The following WDR86 variants were observed in gnomAD, a reference collection of about 807,000 sequenced individuals.
The protein encoded by WDR86 is WD repeat domain 86.
A neutral mutation model predicts 36.5 loss-of-function variants in WDR86; 30 were observed. The ratio of observed to expected loss-of-function variants is 0.82; its 90% CI spans 0.61 to 1.11. The LOEUF is 1.11. Among genes scored for constraint, WDR86 ranks in the 50% most tolerant of loss-of-function variants. WDR86 has a pLI of 0.00. For missense variants in WDR86, 545 were observed against 561.2 expected (o/e 0.97, Z 0.29); for synonymous variants, 255 against 252.9 (o/e 1.01, Z -0.08).
rs1798578303 is a variant in WDR86, at chr7:151,381,664, C to T, written c.1049G>A (p.Arg350Gln). 2 of 1,409,300 alleles carry T rather than the reference C, an allele frequency of 1.4e-6. No homozygotes were observed. Among genetic ancestry groups the T allele is most frequent in the Non-Finnish European group, 1.8e-6 (2 of 1,092,868 alleles). The allele number at this position is 1,409,300 out of a possible 1,614,324, so 87.3% of individuals were successfully genotyped here. A position where few individuals can be genotyped will look rare whatever the true frequency, so the allele number is the denominator to read the frequency against. Residue 350 changes from arginine to glutamine, a missense_variant, in exon 6 of 6, where the codon CGG (arginine) becomes CAG (glutamine). Arg to Gln is a conservative substitution (Grantham distance 43, BLOSUM62 1). Transcript: ENST00000334493. This position sits in a 1 kb window ranked among gnomAD's most constrained non-coding sequence, Gnocchi z 4.8. ...GAGGCTGCGCATGGGCGGAGGGGGC[C>T]GCGGGGCACCTCGGAGCCCGCGCAC... ...WDVRGLRGAPRPPPPMRSLSR... is the reference protein window; with the variant it reads ...WDVRGLRGAPQPPPPMRSLSR...
chr7:151,384,976 G>T, intron 4 of WDR86, 112 bp downstream of exon 4: 3 of 1,191,138 alleles, frequency 2.5e-6, no homozygotes, highest in Non-Finnish European at 3.5e-6. Context: ...GCCATTGGAC[G>T]CTGATGATTG....
Position 151,409,618 on chromosome 7 carries a change from A to G in WDR86, c.-29T>C. Reference sequence around the variant, plus strand: ...GCTGGCAGGGCGGGGAACAAGAAGGAGCTGCGCCCCGCTAGGGAGGGGCGC... The same window carrying G: ...GCTGGCAGGGCGGGGAACAAGAAGGGGCTGCGCCCCGCTAGGGAGGGGCGC... On this transcript the variant is annotated 5_prime_UTR_variant, in exon 1 of 6. Coordinates refer to ENST00000334493, the MANE Select transcript of WDR86 (RefSeq NM_198285.3). The surrounding 1 kb of genome is among the most constrained non-coding windows in gnomAD (Gnocchi z 5.2). The G allele has an allele frequency of 7.4e-7, 1 of 1,350,254 alleles. No individual in the cohort carries two copies. 83.6% of individuals were successfully genotyped at this position (1,350,254 alleles called of 1,614,324 possible). A position where few individuals can be genotyped will look rare whatever the true frequency, so the allele number is the denominator to read the frequency against.
Position 151,381,483 on chromosome 7 carries a change from C to T in WDR86, c.*99G>A, listed in dbSNP as rs781463926. On this transcript the variant is annotated 3_prime_UTR_variant, in exon 6 of 6. Transcript: ENST00000334493. This position sits in a 1 kb window ranked among gnomAD's most constrained non-coding sequence, Gnocchi z 4.8. Reference sequence around the variant, plus strand: ...CCGCCCGGGCTTCCTCGCTCCTCGCCCCTCGCCGGCCATCGGGCGCCACCA... The same window carrying T: ...CCGCCCGGGCTTCCTCGCTCCTCGCTCCTCGCCGGCCATCGGGCGCCACCA... 188 of 1,467,730 alleles carry T rather than the reference C, an allele frequency of 1.3e-4. 4 individuals carry two copies. In the South Asian group the frequency reaches 2.4e-3, roughly 19 times the overall value. 90.9% of individuals were successfully genotyped at this position (1,467,730 alleles called of 1,614,324 possible).
Position 151,388,213 on chromosome 7 carries a change from T to C in WDR86, c.727-2990A>G, listed in dbSNP as rs1263615261. 6.6e-6 allele frequency among the ~76,000 whole-genome samples: 1 copy of C among 152,274 alleles called. No individual in the cohort carries two copies. On this transcript the variant is annotated intron_variant, in intron 3 of 5. Transcript: ENST00000334493. The surrounding 1 kb of genome is among the most constrained non-coding windows in gnomAD (Gnocchi z 4.2). ...TTCTTTTCTCTGGCTGGATTTGAAA[T>C]GCTTCGTTTCTTTAAAATCACAATG...
At chr7:151,399,163 C>G (rs1800103838) in intron 2 of WDR86, among the ~76,000 whole-genome samples, 2 of 152,216 alleles carry the variant, frequency 1.3e-5, no homozygotes, top group African/African-American at 4.8e-5. Context: ...ATCCCTTCAG[C>G]CTCCTCCTCA....
At chr7:151,389,235 C>T (rs901572245) in intron 3 of WDR86, among the ~76,000 whole-genome samples, 3 of 151,408 alleles carry the variant, frequency 2.0e-5, no homozygotes, top group Admixed American at 6.6e-5. Flanking sequence ...GGATAACAGG[C>T]GTGAGCCACC....
intron 3 of WDR86, among the ~76,000 whole-genome samples, chr7:151,389,985 G>A (rs778116638): frequency 5.9e-5 from 9 of 152,156 alleles, no homozygotes; most frequent in Admixed American, 4.6e-4. Flanking sequence ...TGGGGGTGCC[G>A]GTGAGCCAGG....
rs1468021134 is a variant in WDR86 at position 151,381,852 on chromosome 7, G to A, written c.966+26C>T. On this transcript the variant is annotated intron_variant, in intron 5 of 5. Transcript: ENST00000334493. This position sits in a 1 kb window ranked among gnomAD's most constrained non-coding sequence, Gnocchi z 4.8. ...GGCACCTTCCCTCCCACGGGCGGCG[G>A]CCCCGAGAAGGGCAGAGGGACCTAC... The A allele has an allele frequency of 6.3e-7, 1 of 1,587,522 alleles. No homozygotes were observed. Among genetic ancestry groups the A allele is most frequent in the Non-Finnish European group, 8.6e-7 (1 of 1,167,658 alleles).
At chr7:151,377,209 C>T (rs1389717336), downstream of WDR86, 19 of 1,546,180 alleles carry the variant, frequency 1.2e-5, no homozygotes, top group East Asian at 2.3e-5. Context: ...AGGAAGTCAG[C>T]AACAAAGAAA....
chr7:151,379,802 CGT>C (rs1798468436), downstream of WDR86, among the ~76,000 whole-genome samples: 1 of 152,144 alleles, frequency 6.6e-6, no homozygotes, highest in South Asian at 2.1e-4. Context: ...CTGGAGCTGA[CGT>C]GTCAGTGAGG....
downstream of WDR86, among the ~76,000 whole-genome samples, chr7:151,372,765 C>T (rs1445746961): frequency 2.0e-5 from 3 of 152,050 alleles, no homozygotes; most frequent in East Asian, 1.9e-4. Flanking sequence ...ACTGGAATGA[C>T]GGAGCCTGCT....
chr7:151,410,015 C>T lies in WDR86; in HGVS notation c.-426G>A, dbSNP rs1554428439. The stretch of plus-strand genomic sequence containing the variant: ...GAAGCCGAGCGCCCCGCGCCCTCCC[C>T]GGCCGAGCGCGGAACAATACGGTCC... On this transcript the variant is annotated 5_prime_UTR_variant, in exon 1 of 6. Transcript: ENST00000334493. 2.0e-6 allele frequency: 2 copies of T among 994,064 alleles called. No homozygotes were observed. The highest frequency in any genetic ancestry group is 2.4e-6 in the Non-Finnish European group (2 of 836,184). The allele number at this position is 994,064 out of a possible 1,614,324, so 61.6% of individuals were successfully genotyped here. A position where few individuals can be genotyped will look rare whatever the true frequency, so the allele number is the denominator to read the frequency against.
At position 151,406,728 on chromosome 7, in the gene WDR86, G is replaced by A. The variant is rs1341300514; in HGVS notation, c.163+2699C>T. ...TGGCGACAGCACCCACCCCATTATC[G>A]ATGGTATCTAGAAAACAACAAGAAT... On this transcript the variant is annotated intron_variant, in intron 1 of 5. Transcript: ENST00000334493. The surrounding 1 kb of genome is among the most constrained non-coding windows in gnomAD (Gnocchi z 4.4). 2.0e-5 allele frequency among the ~76,000 whole-genome samples: 3 copies of A among 152,114 alleles called. No homozygotes were observed. Among genetic ancestry groups the A allele is most frequent in the Admixed American group, 1.3e-4 (2 of 15,278 alleles).
At chr7:151,382,729 G>A (rs1013920057) in intron 4 of WDR86, among the ~76,000 whole-genome samples, 3 of 152,194 alleles carry the variant, frequency 2.0e-5, no homozygotes, top group Non-Finnish European at 2.9e-5. Context: ...CTCCGAAGCC[G>A]ACCCTGATGC....
At chr7:151,385,379 A>G (rs2150757513) in intron 3 of WDR86, 156 bp from the exon 4 acceptor site, 1 of 1,329,360 alleles carries the variant, frequency 7.5e-7, no homozygotes, top group Non-Finnish European at 1.0e-6. Context: ...CAGACTGCCC[A>G]CTTCAGCACC....
chr7:151,389,190 A>T (rs1161204082), intron 3 of WDR86, among the ~76,000 whole-genome samples: 1 of 149,386 alleles, frequency 6.7e-6, no homozygotes, highest in Non-Finnish European at 1.5e-5. Flanking sequence ...CCCTGGCCTC[A>T]AGTGATCCGT....
Position 151,409,901 on chromosome 7 carries a change from G to A in WDR86, c.-312C>T, listed in dbSNP as rs1005048769. On this transcript the variant is annotated 5_prime_UTR_variant, in exon 1 of 6. Coordinates refer to ENST00000334493, the MANE Select transcript of WDR86 (RefSeq NM_198285.3). The surrounding 1 kb of genome is among the most constrained non-coding windows in gnomAD (Gnocchi z 5.2). ...CCGCTCGGAGGATCCACACCCCACC[G>A]GGCGAACAAGGCAGCTGCGTCTCTG... The A allele has an allele frequency of 8.9e-7, 1 of 1,124,234 alleles. No homozygotes were observed. The highest frequency in any genetic ancestry group is 1.6e-5 in the African/African-American group (1 of 61,790). 69.6% of individuals were successfully genotyped at this position (1,124,234 alleles called of 1,614,324 possible).
At chr7:151,407,944 C>T (rs1312190832) in intron 1 of WDR86, among the ~76,000 whole-genome samples, 1 of 152,172 alleles carries the variant, frequency 6.6e-6, no homozygotes, top group Non-Finnish European at 1.5e-5. Context: ...AAACACCACC[C>T]ACCCCTCTAC....
chr7:151,393,754 C>T (rs139288741), intron 3 of WDR86, among the ~76,000 whole-genome samples: 1 of 152,246 alleles, frequency 6.6e-6, no homozygotes, highest in Non-Finnish European at 1.5e-5. Flanking sequence ...GGAAAGAGGC[C>T]TCGGATGCCC....
Sources: allele counts gnomAD v4.1 joint callset (sites outside exome capture counted in the v4.1 genomes callset), GRCh38; gene constraint gnomAD v4.1.1; non-coding constraint Gnocchi (gnomAD v3.1); transcripts MANE v1.5; gene names NCBI Gene and HGNC (gene_info 2026-07-23, HGNC 2026-07-21).